PLXNA4: variants seen among roughly 807,000 people sequenced by gnomAD.
PLXNA4 encodes the protein plexin A4.
A neutral mutation model predicts 191.8 loss-of-function variants in PLXNA4; 44 were observed. That is an observed-to-expected ratio of 0.23 (90% CI 0.18 to 0.29). The LOEUF (loss-of-function observed/expected upper bound fraction) is 0.29. Among genes scored for constraint, PLXNA4 ranks in the 10% least tolerant of loss-of-function variants. PLXNA4 has a pLI of 1.00. For missense variants in PLXNA4, 1,800 were observed against 2,488.8 expected, an observed-to-expected ratio of 0.72 and a Z score of 5.89; for synonymous variants, 1,082 against 1,009.5, an observed-to-expected ratio of 1.07 and a Z score of -1.36.
chr7:132,248,339 T>A (rs143543504), intron 4 of PLXNA4, among the ~76,000 whole-genome samples: 1 of 152,256 alleles, frequency 6.6e-6, no homozygotes, highest in Non-Finnish European at 1.5e-5. Context: ...TGCAATTGCT[T>A]TGCAGAGCCA....
intron 2 of PLXNA4, among the ~76,000 whole-genome samples, chr7:132,636,663 G>A (rs10273006): frequency 0.58 from 88,162 of 151,924 alleles, 26,157 homozygotes; most frequent in African/African-American, 0.67. Flanking sequence ...GTAAAGCCTT[G>A]GAAGGTCAGA....
At chr7:132,345,219 G>A (rs148547474) in intron 3 of PLXNA4, among the ~76,000 whole-genome samples, 4 of 152,214 alleles carry the variant, frequency 2.6e-5, no homozygotes, top group Non-Finnish European at 4.4e-5. Flanking sequence ...CATTAGAACC[G>A]CCAAAGCACA....
intron 1 of PLXNA4, among the ~76,000 whole-genome samples, chr7:132,564,231 C>G (rs1197778440): frequency 1.4e-5 from 2 of 140,350 alleles, no homozygotes; most frequent in Admixed American, 1.5e-4. Context: ...TCCTCCTCCT[C>G]CTCTTCCTCC....
In PLXNA4 at chr7:132,368,367, G is replaced by C. The variant is rs116264323; in HGVS notation, c.1372-70145C>G. Among the ~76,000 whole-genome samples, 1,259 of 152,250 alleles carry C rather than the reference G, an allele frequency of 8.3e-3. 22 individuals are homozygous for C. Among genetic ancestry groups the C allele is most frequent in the African/African-American group, 0.029 (1,186 of 41,542 alleles). ...GGGGGAAGAGAGCTGGATGGGGAGGGACGCGGCTGCACCCACACAGATCCT... is the reference window on the plus strand; with the variant it reads ...GGGGGAAGAGAGCTGGATGGGGAGGCACGCGGCTGCACCCACACAGATCCT... On this transcript the variant is annotated intron_variant, in intron 3 of 31. Coordinates refer to ENST00000321063, the MANE Select transcript of PLXNA4 (RefSeq NM_020911.2).
At position 132,592,575 on chromosome 7, in the gene PLXNA4, T is replaced by TAAATTTAAAAA. The variant is rs1466334266; in HGVS notation, c.-87+53352_-87+53353insTTTTTAAATTT. ...TTGCCTTTAAAAACCCACATTAAAT[T>TAAATTTAAAAA]CTCGTTTAACGATTTGACGGGGTCC... On this transcript the variant is annotated intron_variant, in intron 2 of 4. Coordinates refer to the PLXNA4 transcript ENST00000378539. Among the ~76,000 whole-genome samples, 6 of 151,994 alleles carry TAAATTTAAAAA rather than the reference T, an allele frequency of 3.9e-5. No individual in the cohort carries two copies. The South Asian group carries it at 1.0e-3, about 26-fold the overall frequency.
At chr7:132,424,904 C>T (rs1023749253) in intron 3 of PLXNA4, among the ~76,000 whole-genome samples, 2 of 152,224 alleles carry the variant, frequency 1.3e-5, no homozygotes, top group Non-Finnish European at 2.9e-5. Flanking sequence ...CTCCACGCAT[C>T]GTCCAGCTCA....
chr7:132,643,137 C>T (rs1803783076), intron 2 of PLXNA4, among the ~76,000 whole-genome samples: 1 of 152,060 alleles, frequency 6.6e-6, no homozygotes, highest in African/African-American at 2.4e-5. Flanking sequence ...GGAAGGGCAG[C>T]TCATGTAAGA....
chr7:132,597,840 GCT>G lies in PLXNA4; in HGVS notation c.-87+48086_-87+48087del, dbSNP rs768906299. On this transcript the variant is annotated intron_variant, in intron 2 of 4. Coordinates refer to the PLXNA4 transcript ENST00000378539. ...AGTTCTAAGAATCCATCCATGTTGC[GCT>G]CTCTCTCTCTCTCTCTCTATATATA... 2.7e-3 allele frequency among the ~76,000 whole-genome samples: 374 copies of G among 140,316 alleles called. 3 individuals are homozygous for G. The highest frequency in any genetic ancestry group is 9.0e-3 in the African/African-American group (355 of 39,654). 92.1% of individuals were successfully genotyped at this position (140,316 alleles called of 152,430 possible).
In PLXNA4 at chr7:132,165,144, T is replaced by C. The variant is rs1410511197; in HGVS notation, c.4343A>G (p.Lys1448Arg). 1.9e-6 allele frequency: 3 copies of C among 1,613,066 alleles called. No individual in the cohort carries two copies. Among genetic ancestry groups the C allele is most frequent in the South Asian group, 1.1e-5 (1 of 90,940 alleles). The change falls in exon 23 of 32, where the codon AAG (lysine) becomes AGG (arginine). Residue 1448 changes from lysine (K) to arginine (R), a missense_variant. Physicochemically the swap from Lys to Arg is conservative, Grantham distance 26. Around this residue, in one of 6 missense-constraint regions of PLXNA4, gnomAD observed 214 missense variants for 298.2 expected, o/e 0.72. Transcript: ENST00000321063. Reference protein sequence around the residue: ...LTNWFTFLLYKFLKECAGEPL... With the variant: ...LTNWFTFLLYRFLKECAGEPL... ...CACATCCAACCCTACCTTGAGGAAC[T>C]TGTAGAGGAGGAAAGTAAACCAATT...
In PLXNA4 at chr7:132,227,445, G is replaced by T; in HGVS notation, c.1882+6C>A. 6.2e-7 allele frequency: 1 copy of T among 1,614,152 alleles called. No homozygotes were observed. Among genetic ancestry groups the T allele is most frequent in the Admixed American group, 1.7e-5 (1 of 60,024 alleles). On this transcript the variant is annotated splice_donor_region_variant and intron_variant, in intron 7 of 31. Transcript: ENST00000321063. The stretch of plus-strand genomic sequence containing the variant: ...TGCCACTCAGCTGTGCCTCCGGGAT[G>T]CTCACCATTCTCTGTGATGATCCGG...
intron 4 of PLXNA4, among the ~76,000 whole-genome samples, chr7:132,285,229 C>T (rs554617232): frequency 4.6e-5 from 7 of 152,272 alleles, no homozygotes; most frequent in Admixed American, 2.6e-4. Context: ...AACGGAAATA[C>T]GCAGAGATTA....
chr7:132,614,189 T>C lies in PLXNA4; in HGVS notation c.-87+31739A>G, dbSNP rs546452093. Among the ~76,000 whole-genome samples, 66 of 152,360 alleles carry C rather than the reference T, an allele frequency of 4.3e-4. 1 individual carries two copies. Among genetic ancestry groups the C allele is most frequent in the Middle Eastern group, 6.8e-3 (2 of 294 alleles). On this transcript the variant is annotated intron_variant, in intron 2 of 4. Transcript: ENST00000378539. ...TTTTATTTATTTAACCCAATATTAATATTCAATATTTTGGATATCCAAAAT... is the reference window on the plus strand; with the variant it reads ...TTTTATTTATTTAACCCAATATTAACATTCAATATTTTGGATATCCAAAAT...
chr7:132,276,456 C>A (rs915294773), intron 4 of PLXNA4, among the ~76,000 whole-genome samples: 3 of 152,160 alleles, frequency 2.0e-5, no homozygotes, highest in Non-Finnish European at 4.4e-5. Context: ...CCTTTCCCAC[C>A]CTTTCCCTTG....
chr7:132,253,195 A>G (rs1477371383), intron 4 of PLXNA4, among the ~76,000 whole-genome samples: 1 of 149,920 alleles, frequency 6.7e-6, no homozygotes, highest in East Asian at 1.9e-4. Context: ...GCAGCTCAAA[A>G]TTTATTTTAG....
intron 3 of PLXNA4, among the ~76,000 whole-genome samples, chr7:132,414,660 G>A (rs979841079): frequency 1.3e-5 from 2 of 152,094 alleles, no homozygotes; most frequent in Non-Finnish European, 2.9e-5. Flanking sequence ...CACTGATTAT[G>A]AGGGTGGCTA....
chr7:132,249,083 A>G (rs1799157525), intron 4 of PLXNA4, among the ~76,000 whole-genome samples: 1 of 152,224 alleles, frequency 6.6e-6, no homozygotes, highest in African/African-American at 2.4e-5. Context: ...TAGAATAGCA[A>G]AGGCAACCGC....
At chr7:132,287,567 C>G (rs553036657) in intron 4 of PLXNA4, among the ~76,000 whole-genome samples, 4 of 152,132 alleles carry the variant, frequency 2.6e-5, no homozygotes, top group Non-Finnish European at 5.9e-5. Context: ...GTTCATGACC[C>G]CCCCCGGAGC....
At chr7:132,462,683 C>T (rs1392510197) in intron 3 of PLXNA4, among the ~76,000 whole-genome samples, 1 of 151,904 alleles carries the variant, frequency 6.6e-6, no homozygotes, top group African/African-American at 2.4e-5. Flanking sequence ...CTCAGGTGAT[C>T]CTCCCACCTC....
intron 31 of PLXNA4, among the ~76,000 whole-genome samples, chr7:132,132,648 C>T (rs1440682977): frequency 1.3e-5 from 2 of 151,798 alleles, no homozygotes; most frequent in African/African-American, 2.4e-5. Flanking sequence ...TGTTTCTATT[C>T]TATTCTACAA....
Sources: gnomAD v4.1 joint callset for allele counts (sites outside exome capture counted in the v4.1 genomes callset) on GRCh38, gnomAD v4.1.1 for gene constraint, gnomAD v4.1.1 regional missense constraint, MANE v1.5 for transcripts, NCBI Gene and HGNC (gene_info 2026-07-23, HGNC 2026-07-21) for gene names.